The following TRPM1 variants were observed in gnomAD, a reference collection of about 807,000 sequenced individuals.
TRPM1 encodes transient receptor potential cation channel subfamily M member 1.
A neutral mutation model predicts 149.4 loss-of-function variants in TRPM1; 113 were observed. The ratio of observed to expected loss-of-function variants is 0.76; its 90% CI spans 0.65 to 0.88. The LOEUF (loss-of-function observed/expected upper bound fraction) is 0.88, where lower values mean the gene tolerates loss of function less well. TRPM1 is among the 40% of genes least tolerant of loss of function. TRPM1 has a pLI of 0.00. For missense variants in TRPM1, 1,976 were observed against 2,038.7 expected, an observed-to-expected ratio of 0.97 and a Z score of 0.59; for synonymous variants, 741 against 759.5, an observed-to-expected ratio of 0.98 and a Z score of 0.40.
intron 20 of TRPM1, among the ~76,000 whole-genome samples, chr15:31,037,023 C>T (rs983535270): frequency 6.6e-6 from 1 of 152,250 alleles, no homozygotes; most frequent in African/African-American, 2.4e-5. Flanking sequence ...TGAGAAGTCT[C>T]TCTCCTCCCG....
chr15:31,128,205 C>A (rs2035975264), intron 1 of TRPM1, among the ~76,000 whole-genome samples: 1 of 152,130 alleles, frequency 6.6e-6, no homozygotes, highest in South Asian at 2.1e-4. Context: ...CCACTGGCAC[C>A]CAGGAGCAAT....
At chr15:31,107,076 T>C (rs1041540683) in intron 1 of TRPM1, among the ~76,000 whole-genome samples, 1 of 152,232 alleles carries the variant, frequency 6.6e-6, no homozygotes, top group African/African-American at 2.4e-5. Flanking sequence ...ATAAAATGAG[T>C]TGGGCAATGA....
At position 31,002,783 on chromosome 15, in the gene TRPM1, A is replaced by G. The variant is rs1400438218; in HGVS notation, c.3917T>C (p.Phe1306Ser). Residue 1306 changes from phenylalanine (F) to serine (S), a missense_variant, in exon 28 of 28, where the codon TTT becomes TCT. Transcript: ENST00000256552. ...RYHFNGEELL[F>S]EDTSLSTSPG... ...TGACGTGGAGAGAGATGTATCCTCA[A>G]ATAATAACTCTTCTCCGTTAAAATG... 3 of 1,614,140 alleles carry G rather than the reference A, an allele frequency of 1.9e-6. No homozygotes were observed. Among genetic ancestry groups the G allele is most frequent in the Non-Finnish European group, 2.5e-6 (3 of 1,179,998 alleles).
At chr15:31,128,882 A>T (rs1392308052) in intron 1 of TRPM1, among the ~76,000 whole-genome samples, 1 of 152,208 alleles carries the variant, frequency 6.6e-6, no homozygotes, top group Admixed American at 6.5e-5. Context: ...AACTCAGCAA[A>T]TTTTGTAGCT....
At chr15:31,030,906 T>C in intron 23 of TRPM1, 77 bp downstream of exon 23, 1 of 1,520,608 alleles carries the variant, frequency 6.6e-7, no homozygotes, top group Non-Finnish European at 9.1e-7. Context: ...AATTAATACA[T>C]GTTCTTCCAT....
chr15:31,144,711 G>GTTTTTTTTTTTTTTTTTTTTTTTTTT (rs1567078292), intron 1 of TRPM1, among the ~76,000 whole-genome samples: 1 of 142,932 alleles, frequency 7.0e-6, no homozygotes. Flanking sequence ...TTGTTTTTGA[G>GTTTTTTTTTTTTTTTTTTTTTTTTTT]ATTTTTTTTT....
At chr15:31,064,162 T>C (rs1371009439) in intron 7 of TRPM1, among the ~76,000 whole-genome samples, 1 of 152,220 alleles carries the variant, frequency 6.6e-6, no homozygotes, top group Non-Finnish European at 1.5e-5. Flanking sequence ...TGTAAAAATA[T>C]CAGAATATGT....
chr15:31,101,834 T>G (rs1003161838), upstream of TRPM1: 2 of 573,206 alleles, frequency 3.5e-6, no homozygotes, highest in African/African-American at 4.1e-5. Flanking sequence ...CCCCATGACC[T>G]GACTCCCAGG....
In TRPM1 at chr15:31,043,975, C is replaced by T. The variant is rs1297224546; in HGVS notation, c.1795-1732G>A. Among the ~76,000 whole-genome samples the T allele has an allele frequency of 2.0e-5, 3 of 151,944 alleles. No homozygotes were observed. The East Asian group carries it at 5.8e-4, about 29-fold the overall frequency. On this transcript the variant is annotated intron_variant, in intron 16 of 27. Coordinates refer to ENST00000256552, the MANE Select transcript of TRPM1 (RefSeq NM_001252024.2). The stretch of plus-strand genomic sequence containing the variant: ...AGTGTAAGGAAAAATTGACATATTA[C>T]CATAGTTGAGTAAGTAACACACCTT...
intron 27 of TRPM1, among the ~76,000 whole-genome samples, chr15:31,016,108 T>G (rs1253347107): frequency 6.6e-6 from 1 of 152,188 alleles, no homozygotes; most frequent in Admixed American, 6.5e-5. Flanking sequence ...CCTCAGCCAT[T>G]GCATGTAAAC....
chr15:31,069,615 G>A, intron 4 of TRPM1: 1 of 1,302,842 alleles, frequency 7.7e-7, no homozygotes, highest in Middle Eastern at 2.9e-4. Flanking sequence ...CGGGCCAGCT[G>A]AGCGCAGGCC....
intron 1 of TRPM1, among the ~76,000 whole-genome samples, chr15:31,146,685 C>T (rs916630137): frequency 1.3e-5 from 2 of 152,132 alleles, no homozygotes; most frequent in African/African-American, 4.8e-5. Flanking sequence ...AGGAAAGTAA[C>T]TTTGAAATGA....
chr15:31,065,268 C>G lies in TRPM1; in HGVS notation c.790+808G>C, dbSNP rs115184900. On this transcript the variant is annotated intron_variant, in intron 7 of 27. Coordinates refer to ENST00000256552, the MANE Select transcript of TRPM1 (RefSeq NM_001252024.2). ...GAAATCTACAACTTTTCCTAGTAGG[C>G]CATCCCCATTCTACCCACTCTGCAG... is the stretch of plus-strand genomic sequence containing the variant. 366 of 393,644 alleles carry G rather than the reference C, an allele frequency of 9.3e-4. 1 individual carries two copies. Among genetic ancestry groups the G allele is most frequent in the African/African-American group, 7.1e-3 (345 of 48,520 alleles). The allele number at this position is 393,644 out of a possible 1,614,324, so 24.4% of individuals were successfully genotyped here. A position where few individuals can be genotyped will look rare whatever the true frequency, so the allele number is the denominator to read the frequency against.
Position 31,052,307 on chromosome 15 carries a change from T to C in TRPM1, c.1264-1725A>G, listed in dbSNP as rs190690113. Among the ~76,000 whole-genome samples, 437 of 152,302 alleles carry C rather than the reference T, an allele frequency of 2.9e-3. 3 individuals are homozygous for C. Among genetic ancestry groups the C allele is most frequent in the African/African-American group, 0.01 (422 of 41,548 alleles). ...AAAAAGTGTCTTGGCTGACTCCTCA[T>C]GCAGATAAAACCGTTATGGTCCTGA... On this transcript the variant is annotated intron_variant, in intron 11 of 27. Transcript: ENST00000256552.
chr15:31,027,194 C>T, intron 25 of TRPM1, 77 bp from the exon 26 acceptor site: 4 of 1,383,354 alleles, frequency 2.9e-6, no homozygotes, highest in Non-Finnish European at 3.0e-6. Flanking sequence ...AAGTTACTCA[C>T]ATTTAAGTGA....
intron 1 of TRPM1, among the ~76,000 whole-genome samples, chr15:31,083,216 G>A (rs1211321383): frequency 6.6e-6 from 1 of 152,162 alleles, no homozygotes; most frequent in African/African-American, 2.4e-5. Flanking sequence ...AATGATGTGT[G>A]GACCAGTTTA....
chr15:31,001,944 G>C lies in TRPM1; in HGVS notation c.4756C>G (p.Gln1586Glu). 5 of 1,614,086 alleles carry C rather than the reference G, an allele frequency of 3.1e-6. No homozygotes were observed. Among genetic ancestry groups the C allele is most frequent in the Non-Finnish European group, 4.2e-6 (5 of 1,180,022 alleles). ...TGTCCAGATCTGTCTAACTTTCCCT[G>C]AATGGATTTCACATTCCTAGGATGT... is the stretch of plus-strand genomic sequence containing the variant. Reference protein sequence around the residue: ...HGHPRNVKSIQGKLDRSGHAS... With the variant: ...HGHPRNVKSIEGKLDRSGHAS... The change falls in exon 28 of 28, where the codon CAG becomes GAG. Residue 1586 changes from glutamine (Q) to glutamate (E), a missense_variant. By Grantham distance (29) the Gln-to-Glu change is conservative (BLOSUM62 2). Around this residue, in one of 3 missense-constraint regions of TRPM1, gnomAD observed 572 missense variants for 578.9 expected, o/e 0.99. Coordinates refer to ENST00000256552, the MANE Select transcript of TRPM1 (RefSeq NM_001252024.2).
intron 1 of TRPM1, among the ~76,000 whole-genome samples, chr15:31,116,094 A>G (rs1036186852): frequency 3.3e-5 from 5 of 152,130 alleles, no homozygotes; most frequent in African/African-American, 1.2e-4. Flanking sequence ...CATTTCAATA[A>G]TTTTGGCAGG....
intron 1 of TRPM1, among the ~76,000 whole-genome samples, chr15:31,141,409 T>G: frequency 6.6e-6 from 1 of 152,112 alleles, no homozygotes; most frequent in East Asian, 1.9e-4. Context: ...TAGAAGGACA[T>G]GAGGATATAC....
Sources: allele counts gnomAD v4.1 joint callset (sites outside exome capture counted in the v4.1 genomes callset), GRCh38; gene constraint gnomAD v4.1.1; regional missense constraint gnomAD v4.1.1; transcripts MANE v1.5; gene names NCBI Gene and HGNC (gene_info 2026-07-23, HGNC 2026-07-21).